RPS6KA1: variants seen among roughly 807,000 people sequenced by gnomAD.
RPS6KA1 encodes ribosomal protein S6 kinase alpha-1.
RPS6KA1 carries 48 observed loss-of-function variants against 91.3 expected under a neutral mutation model. The ratio of observed to expected loss-of-function variants is 0.53; its 90% CI spans 0.42 to 0.67. RPS6KA1 has a LOEUF of 0.67. RPS6KA1 is among the 30% of genes least tolerant of loss of function. RPS6KA1 has a pLI of 0.00. For synonymous variants in RPS6KA1, 359 were observed against 384.7 expected (o/e 0.93, Z 0.78); for missense variants, 719 against 960.5 (o/e 0.75, Z 3.32).
At chr1:26,530,051 G>A (rs1044776285) in intron 1 of RPS6KA1, 68 bp downstream of exon 1, 49 of 1,111,144 alleles carry the variant, frequency 4.4e-5, no homozygotes, top group East Asian at 7.1e-5. Context: ...GGGCGGGGCG[G>A]CCCGAAGCGC....
At chr1:26,552,780 C>A in intron 6 of RPS6KA1, 1 of 342,170 alleles carries the variant, frequency 2.9e-6, no homozygotes, top group Non-Finnish European at 5.9e-6. Context: ...TGTGAGCCAC[C>A]GTGCCCGGCT....
At chr1:26,560,986 C>T (rs1203777347) in intron 15 of RPS6KA1, 59 bp from the exon 16 acceptor site, 92 of 1,596,142 alleles carry the variant, frequency 5.8e-5, no homozygotes. Flanking sequence ...TGCTCCATGG[C>T]CAGAAAGGAC....
chr1:26,535,633 TGGGGGCTGGAAAA>T (rs952574627), intron 1 of RPS6KA1, among the ~76,000 whole-genome samples: 1 of 152,070 alleles, frequency 6.6e-6, no homozygotes, highest in African/African-American at 2.4e-5. Flanking sequence ...GAGTGAAGTC[TGGGGGCTGGAAAA>T]GGCAAGACTG....
At chr1:26,530,025 G>T in intron 1 of RPS6KA1, 42 bp downstream of exon 1, 1 of 1,284,170 alleles carries the variant, frequency 7.8e-7, no homozygotes, top group Non-Finnish European at 9.9e-7. Flanking sequence ...CGGCCGGCGA[G>T]CCCGGATCCT....
chr1:26,553,507 G>A lies in RPS6KA1; in HGVS notation c.575+10G>A, dbSNP rs1218321031. On this transcript the variant is annotated intron_variant, in intron 7 of 21. Transcript: ENST00000374168. ...ACCTCAAGCCTGAGAAGTGAGTGAA[G>A]CCTCCAGCCCCACCCCAGCCTCCCC... 1 of 1,586,360 alleles carries A rather than the reference G, an allele frequency of 6.3e-7. No homozygotes were observed. Among genetic ancestry groups the A allele is most frequent in the South Asian group, 1.1e-5 (1 of 89,820 alleles).
At chr1:26,567,454 C>T (rs919221471) in intron 17 of RPS6KA1, among the ~76,000 whole-genome samples, 3 of 152,204 alleles carry the variant, frequency 2.0e-5, no homozygotes, top group African/African-American at 7.2e-5. Flanking sequence ...AGTCTCGGCT[C>T]ACTGCAACCT....
chr1:26,542,978 G>T, intron 2 of RPS6KA1: 1 of 603,848 alleles, frequency 1.7e-6, no homozygotes, highest in Non-Finnish European at 2.9e-6. Flanking sequence ...GGGGTCATGG[G>T]CTTGGGGTCT....
rs1553133561 is a variant in RPS6KA1 at position 26,562,825 on chromosome 1, C to CCTT, written c.1590+1162_1590+1163insCTT. Among the ~76,000 whole-genome samples, 28 of 81,442 alleles carry CCTT rather than the reference C, an allele frequency of 3.4e-4. 1 individual carries two copies. Among genetic ancestry groups the CCTT allele is most frequent in the Admixed American group, 4.5e-4 (3 of 6,680 alleles). The allele number at this position is 81,442 out of a possible 152,430, so 53.4% of individuals were successfully genotyped here. ...ATAGACACATTTTTCTCCTATTGTC[C>CCTT]TTTTTTTTTTTTTTTTTTTTTTTTT... On this transcript the variant is annotated intron_variant, in intron 17 of 21. Coordinates refer to ENST00000374168, the MANE Select transcript of RPS6KA1 (RefSeq NM_002953.4).
intron 17 of RPS6KA1, among the ~76,000 whole-genome samples, chr1:26,564,821 C>T (rs1451679469): frequency 1.3e-5 from 2 of 152,168 alleles, no homozygotes; most frequent in African/African-American, 4.8e-5. Context: ...TTTGAAATGC[C>T]AGTGCAATAG....
At chr1:26,572,376 G>A (rs1046324292) in intron 20 of RPS6KA1, 83 bp downstream of exon 20, 3 of 877,190 alleles carry the variant, frequency 3.4e-6, no homozygotes, top group Non-Finnish European at 5.7e-6. Flanking sequence ...TTCATGAACA[G>A]CCTCATTTCT....
chr1:26,545,954 G>A lies in RPS6KA1; in HGVS notation c.109-913G>A, dbSNP rs986816455. The A allele has an allele frequency of 6.2e-6, 10 of 1,603,236 alleles. 1 individual carries two copies. The highest frequency in any genetic ancestry group is 8.5e-6 in the Non-Finnish European group (10 of 1,175,960). Reference sequence around the variant, plus strand: ...TGCGGCTCTGGGCCCTGATCCCCTGGCTTCCCAGGAAGCAGCGGCCCAGGA... The same window carrying A: ...TGCGGCTCTGGGCCCTGATCCCCTGACTTCCCAGGAAGCAGCGGCCCAGGA... On this transcript the variant is annotated intron_variant, in intron 2 of 21. Transcript: ENST00000374168.
At position 26,571,430 on chromosome 1, in the gene RPS6KA1, C is replaced by T. The variant is rs749540694; in HGVS notation, c.1591-19C>T. On this transcript the variant is annotated intron_variant, in intron 17 of 21. Transcript: ENST00000374168. The surrounding 1 kb of genome is among the most constrained non-coding windows in gnomAD (Gnocchi z 5.1). Reference sequence around the variant, plus strand: ...CCACCTCCCCACACTGAGAACTGACCCCAGCCCCCTGCCCCTAGGTTGTGC... The same window carrying T: ...CCACCTCCCCACACTGAGAACTGACTCCAGCCCCCTGCCCCTAGGTTGTGC... The T allele has an allele frequency of 8.7e-6, 14 of 1,613,618 alleles. No individual in the cohort carries two copies. Among genetic ancestry groups the T allele is most frequent in the Non-Finnish European group, 1.2e-5 (14 of 1,179,786 alleles).
At chr1:26,556,773 C>A in intron 12 of RPS6KA1, 55 bp downstream of exon 12, 1 of 1,594,134 alleles carries the variant, frequency 6.3e-7, no homozygotes, top group Non-Finnish European at 8.6e-7. Context: ...ATCTTGGCCA[C>A]AGGAAGGGTG....
intron 2 of RPS6KA1, chr1:26,543,272 C>A (rs2124622889): frequency 7.3e-7 from 1 of 1,378,154 alleles, no homozygotes; most frequent in Non-Finnish European, 1.0e-6. Context: ...CATGACTGGG[C>A]AAGGAATGGG....
Position 26,554,094 on chromosome 1 carries a change from T to C in RPS6KA1, c.576-120T>C. 3.9e-6 allele frequency: 4 copies of C among 1,013,178 alleles called. No individual in the cohort carries two copies. In the Admixed American group the frequency reaches 7.5e-5, roughly 19 times the overall value. 62.8% of individuals were successfully genotyped at this position (1,013,178 alleles called of 1,614,324 possible). On this transcript the variant is annotated intron_variant, in intron 7 of 21. Transcript: ENST00000374168. This position sits in a 1 kb window ranked among gnomAD's most constrained non-coding sequence, Gnocchi z 4.6. ...CCACCCTGCAACACCCGCCCAGTCA[T>C]CAGAGAGAATTGGGTGGAGCACCTC...
In RPS6KA1 at chr1:26,571,775, G is replaced by A. The variant is rs1448208770; in HGVS notation, c.1753-74G>A. 2 of 1,509,312 alleles carry A rather than the reference G, an allele frequency of 1.3e-6. No homozygotes were observed. Among genetic ancestry groups the A allele is most frequent in the African/African-American group, 1.4e-5 (1 of 72,774 alleles). The allele number at this position is 1,509,312 out of a possible 1,614,324, so 93.5% of individuals were successfully genotyped here. ...TGGGACCCTTGTCCTGCCCTTGAGG[G>A]GAGTAGCAGGAAACATCTGTGGCGA... On this transcript the variant is annotated intron_variant, in intron 18 of 21. Coordinates refer to ENST00000374168, the MANE Select transcript of RPS6KA1 (RefSeq NM_002953.4). This position sits in a 1 kb window ranked among gnomAD's most constrained non-coding sequence, Gnocchi z 5.1.
At chr1:26,562,492 G>A (rs1235068684) in intron 17 of RPS6KA1, among the ~76,000 whole-genome samples, 1 of 152,210 alleles carries the variant, frequency 6.6e-6, no homozygotes, top group African/African-American at 2.4e-5. Flanking sequence ...AGAGGAAATG[G>A]ATGCAGGAGG....
At chr1:26,572,025 A>C in intron 19 of RPS6KA1, 100 bp downstream of exon 19, 1 of 1,391,806 alleles carries the variant, frequency 7.2e-7, no homozygotes, top group Non-Finnish European at 1.0e-6. Context: ...GCCCCGCCCC[A>C]GGATGGTCTG....
intron 2 of RPS6KA1, among the ~76,000 whole-genome samples, chr1:26,545,144 T>C (rs1398578956): frequency 6.6e-6 from 1 of 151,834 alleles, no homozygotes; most frequent in Non-Finnish European, 1.5e-5. Flanking sequence ...CTCCTGCCCC[T>C]GCCTGTTGGA....
Sources: allele counts gnomAD v4.1 joint callset (sites outside exome capture counted in the v4.1 genomes callset), GRCh38; gene constraint gnomAD v4.1.1; non-coding constraint Gnocchi (gnomAD v3.1); transcripts MANE v1.5; gene names NCBI Gene and HGNC (gene_info 2026-07-23, HGNC 2026-07-21).